RNF115: variants seen among roughly 807,000 people sequenced by gnomAD.
The protein encoded by RNF115 is ring finger protein 115.
In RNF115, 31 loss-of-function variants were observed where a neutral mutation model predicts 39.2. That is an observed-to-expected ratio of 0.79 (90% CI 0.59 to 1.07). The LOEUF (loss-of-function observed/expected upper bound fraction) is 1.07, where lower values mean the gene tolerates loss of function less well. Ranked by LOEUF, RNF115 falls within the 50% of genes least tolerant of loss-of-function variation. The pLI is 0.00. For missense variants in RNF115, 384 were observed against 381.7 expected, an observed-to-expected ratio of 1.01 and a Z score of -0.05; for synonymous variants, 124 against 131.0, an observed-to-expected ratio of 0.95 and a Z score of 0.37.
intron 1 of RNF115, among the ~76,000 whole-genome samples, chr1:145,808,496 A>G (rs1649556888): frequency 6.6e-6 from 1 of 152,114 alleles, no homozygotes; most frequent in Non-Finnish European, 1.5e-5. Flanking sequence ...TCTTTTGAGA[A>G]ATGTCTAATC....
Position 145,786,807 on chromosome 1 carries a change from C to T in RNF115, c.161+2101G>A, listed in dbSNP as rs80341950. ...TAATGGCACAAACAAAAAGCTATCC[C>T]AAGTTAGCATGCCATCCACACAAAA... On this transcript the variant is annotated intron_variant, in intron 2 of 8. Coordinates refer to ENST00000582693, the MANE Select transcript of RNF115 (RefSeq NM_014455.4). 8.7e-3 allele frequency among the ~76,000 whole-genome samples: 1,320 copies of T among 152,252 alleles called. 19 individuals are homozygous for T. Among genetic ancestry groups the T allele is most frequent in the African/African-American group, 0.03 (1,258 of 41,534 alleles).
intron 1 of RNF115, among the ~76,000 whole-genome samples, chr1:145,818,225 G>C (rs28841052): frequency 2.6e-5 from 4 of 151,228 alleles, no homozygotes; most frequent in African/African-American, 7.3e-5. Context: ...GCAGTGTATA[G>C]GCATTCCCTT....
intron 4 of RNF115, among the ~76,000 whole-genome samples, chr1:145,765,904 G>A (rs949101152): frequency 1.5e-4 from 23 of 152,004 alleles, no homozygotes; most frequent in Non-Finnish European, 2.6e-4. Flanking sequence ...TCATTTCAGG[G>A]AAACTTATTA....
At chr1:145,799,917 C>T (rs587684762) in intron 1 of RNF115, among the ~76,000 whole-genome samples, 1 of 152,312 alleles carries the variant, frequency 6.6e-6, no homozygotes, top group East Asian at 1.9e-4. Context: ...CATAAATACA[C>T]TTTGATATGC....
intron 2 of RNF115, chr1:145,786,870 G>A (rs1308872225): frequency 1.3e-5 from 2 of 158,480 alleles, no homozygotes; most frequent in East Asian, 1.9e-4. Flanking sequence ...TACACGTTTA[G>A]TGTTGGTATT....
chr1:145,774,507 G>A (rs1049542546), intron 3 of RNF115, among the ~76,000 whole-genome samples: 2 of 151,810 alleles, frequency 1.3e-5, no homozygotes, highest in Non-Finnish European at 1.5e-5. Context: ...GTGACACCAC[G>A]CCCCGCTAAT....
chr1:145,748,544 G>A (rs1029351172), intron 7 of RNF115, among the ~76,000 whole-genome samples: 8 of 152,118 alleles, frequency 5.3e-5, no homozygotes, highest in South Asian at 2.1e-4. Context: ...TCAGTGCAGC[G>A]TCTCAAGCCA....
chr1:145,778,630 C>T (rs1647985060), intron 3 of RNF115, among the ~76,000 whole-genome samples: 1 of 152,150 alleles, frequency 6.6e-6, no homozygotes. Context: ...AAGGAAGATA[C>T]TCATCACCCC....
chr1:145,748,100 T>TAA lies in RNF115; in HGVS notation c.676_677dup (p.Leu226PhefsTer2). 6.2e-7 allele frequency: 1 copy of TAA among 1,610,806 alleles called. No homozygotes were observed. Among genetic ancestry groups the TAA allele is most frequent in the Non-Finnish European group, 8.5e-7 (1 of 1,177,152 alleles). ...AATCTTCTTTGCATACTGGACACTC[T>TAA]AAACCCATATCTGTTGAAGAAGGAA... On this transcript the variant is annotated frameshift_variant, in exon 8 of 9. Coordinates refer to ENST00000582693, the MANE Select transcript of RNF115 (RefSeq NM_014455.4). LOFTEE classifies it high-confidence loss of function.
intron 1 of RNF115, among the ~76,000 whole-genome samples, chr1:145,796,476 G>C (rs750751969): frequency 2.7e-4 from 40 of 150,928 alleles, no homozygotes; most frequent in Non-Finnish European, 5.2e-4. Flanking sequence ...ACCCAAGCTG[G>C]AGCGCAGTGG....
At chr1:145,755,864 A>G (rs1442617905) in intron 4 of RNF115, among the ~76,000 whole-genome samples, 1 of 152,208 alleles carries the variant, frequency 6.6e-6, no homozygotes, top group Non-Finnish European at 1.5e-5. Context: ...TGGCCTTACC[A>G]TAACATGGAA....
In RNF115 at chr1:145,748,130, C is replaced by T. The variant is rs1657945218; in HGVS notation, c.668-20G>A. The stretch of plus-strand genomic sequence containing the variant: ...CCATATCTGTTGAAGAAGGAAATGC[C>T]TTTTAAAGTAAACAGGCAAAAGGAA... On this transcript the variant is annotated intron_variant, in intron 7 of 8. Coordinates refer to ENST00000582693, the MANE Select transcript of RNF115 (RefSeq NM_014455.4). 6.4e-7 allele frequency: 1 copy of T among 1,551,604 alleles called. No homozygotes were observed. The highest frequency in any genetic ancestry group is 1.4e-5 in the African/African-American group (1 of 73,794).
chr1:145,814,267 A>T (rs587695968), intron 1 of RNF115, among the ~76,000 whole-genome samples: 2 of 151,994 alleles, frequency 1.3e-5, no homozygotes, highest in Non-Finnish European at 2.9e-5. Context: ...CTCCAAAAAA[A>T]AGATAAAAAA....
intron 4 of RNF115, among the ~76,000 whole-genome samples, chr1:145,764,164 C>T (rs1185647199): frequency 6.6e-6 from 1 of 152,342 alleles, no homozygotes; most frequent in East Asian, 1.9e-4. Flanking sequence ...GATCCGCCAG[C>T]CTCGGCCTCC....
intron 1 of RNF115, among the ~76,000 whole-genome samples, chr1:145,793,675 C>T (rs1553719326): frequency 6.6e-6 from 1 of 151,888 alleles, no homozygotes; most frequent in Non-Finnish European, 1.5e-5. Flanking sequence ...TTTGCTCATA[C>T]TAGAAACCCG....
At chr1:145,772,412 A>G (rs2318299) in intron 3 of RNF115, 43,818 of 154,024 alleles carry the variant, frequency 0.28, 7,277 homozygotes, top group Non-Finnish European at 0.37. Flanking sequence ...GGGCAGGTCT[A>G]TTAACAATGA....
intron 1 of RNF115, among the ~76,000 whole-genome samples, chr1:145,816,070 GTTT>G (rs199930000): frequency 3.1e-5 from 1 of 32,402 alleles, no homozygotes; most frequent in Non-Finnish European, 4.7e-5. Context: ...TTTTTGAATG[GTTT>G]TTTTTTTTTT....
chr1:145,793,570 C>T (rs587697447), intron 1 of RNF115, among the ~76,000 whole-genome samples: 139 of 152,156 alleles, frequency 9.1e-4, no homozygotes, highest in Non-Finnish European at 1.4e-3. Flanking sequence ...CCAGGCCAGT[C>T]TTCTGAATTC....
intron 4 of RNF115, among the ~76,000 whole-genome samples, chr1:145,767,992 T>C (rs1390723190): frequency 6.6e-6 from 1 of 151,474 alleles, no homozygotes; most frequent in Non-Finnish European, 1.5e-5. Flanking sequence ...AGGGAGACCG[T>C]GGGGAGAGGG....
Sources: allele counts gnomAD v4.1 joint callset (sites outside exome capture counted in the v4.1 genomes callset), GRCh38; gene constraint gnomAD v4.1.1; transcripts MANE v1.5; gene names NCBI Gene and HGNC (gene_info 2026-07-23, HGNC 2026-07-21).